CRB2: variants seen among roughly 807,000 people sequenced by gnomAD.
CRB2 encodes the protein crumbs cell polarity complex component 2, also known as protein crumbs homolog 2.
CRB2 carries 85 observed loss-of-function variants against 110.9 expected under a neutral mutation model. That is an observed-to-expected ratio of 0.77 (90% CI 0.64 to 0.92). The LOEUF is 0.92. CRB2 is among the 40% of genes least tolerant of loss of function. The pLI, the probability that CRB2 is intolerant of heterozygous loss-of-function variation, is 0.00. For missense variants in CRB2, 1,843 were observed against 1,851.3 expected (o/e 1.00, Z 0.08); for synonymous variants, 907 against 831.0 (o/e 1.09, Z -1.57).
rs369662953 is a variant in CRB2, at chr9:123,371,233, A to G, written c.2091A>G (p.Thr697=). The part of the protein sequence containing the change: ...QFANDSAAGL[T]VFLSEGRIRA... Reference sequence around the variant, plus strand: ...CCAATGACTCCGCAGCTGGCCTAACAGTATTCCTGAGTGAGGGTCGGATCC... The same window carrying G: ...CCAATGACTCCGCAGCTGGCCTAACGGTATTCCTGAGTGAGGGTCGGATCC... Residue 697 remains threonine (T), a synonymous_variant, in exon 8 of 13, where the codon ACA becomes ACG. Transcript: ENST00000373631. 1.2e-5 allele frequency: 20 copies of G among 1,613,840 alleles called. No individual in the cohort carries two copies. The highest frequency in any genetic ancestry group is 1.5e-5 in the Non-Finnish European group (18 of 1,180,040).
rs1179536880 is a variant in CRB2, at chr9:123,367,261, C to A, written c.844C>A (p.Pro282Thr). Residue 282 changes from proline (P) to threonine (T), a missense_variant, in exon 5 of 13, where the codon CCG becomes ACG. Coordinates refer to ENST00000373631, the MANE Select transcript of CRB2 (RefSeq NM_173689.7). ...HGGRCLQRSD[P>T]ALYGGVQAAF... ...GGGCCGATGCCTGCAGCGCTCTGAC[C>A]CGGCCCTCTACGGGGGTGTCCAGGC... 1 of 1,598,560 alleles carries A rather than the reference C, an allele frequency of 6.3e-7. No individual in the cohort carries two copies. Among genetic ancestry groups the A allele is most frequent in the African/African-American group, 1.3e-5 (1 of 74,520 alleles).
chr9:123,368,008 G>A (rs1033427468), intron 6 of CRB2, among the ~76,000 whole-genome samples: 1 of 152,028 alleles, frequency 6.6e-6, no homozygotes, highest in Admixed American at 6.5e-5. Context: ...AGAGAGTTAG[G>A]GGGCAGCATC....
Position 123,370,127 on chromosome 9 carries a change from T to C in CRB2, c.1074T>C (p.Asp358=). Residue 358 remains aspartate, a synonymous_variant, in exon 7 of 13, where the codon GAT becomes GAC. Coordinates refer to ENST00000373631, the MANE Select transcript of CRB2 (RefSeq NM_173689.7). ...DGYAGPTCEE[D]VDECLSDPCL... ...CCAAAGGGCCGACATGTGAGGAAGA[T>C]GTGGATGAATGCCTGTCGGATCCCT... is the stretch of plus-strand genomic sequence containing the variant. 1 of 1,592,514 alleles carries C rather than the reference T, an allele frequency of 6.3e-7. No homozygotes were observed. The highest frequency in any genetic ancestry group is 8.6e-7 in the Non-Finnish European group (1 of 1,167,264).
At chr9:123,366,486 AGTGT>A in intron 4 of CRB2, 120 bp downstream of exon 4, 2 of 1,250,820 alleles carry the variant, frequency 1.6e-6, no homozygotes, top group South Asian at 1.6e-5. Context: ...TCGGGACCAG[AGTGT>A]GTGTGTGATT....
intron 2 of CRB2, among the ~76,000 whole-genome samples, chr9:123,364,993 G>A (rs1193363659): frequency 6.6e-6 from 1 of 152,220 alleles, no homozygotes; most frequent in Non-Finnish European, 1.5e-5. Flanking sequence ...CAGGTGTGGT[G>A]GCTCACGCCT....
In CRB2 at chr9:123,370,247, T is replaced by C. The variant is rs2132772424; in HGVS notation, c.1194T>C (p.Thr398=). The C allele has an allele frequency of 6.8e-6, 11 of 1,613,346 alleles. No homozygotes were observed. Among genetic ancestry groups the C allele is most frequent in the Non-Finnish European group, 9.3e-6 (11 of 1,180,008 alleles). The change falls in exon 7 of 13, where the codon ACT becomes ACC. Residue 398 remains threonine, a synonymous_variant. Coordinates refer to ENST00000373631, the MANE Select transcript of CRB2 (RefSeq NM_173689.7). ...GGCGCGACTGTTCTGTGCAGCTCAC[T>C]GGCTGCCAGGGCCACACCTGCCCGC... is the stretch of plus-strand genomic sequence containing the variant. ...WGGRDCSVQL[T]GCQGHTCPLA...
At chr9:123,367,865 G>A (rs2041960624) in intron 6 of CRB2, among the ~76,000 whole-genome samples, 179 bp downstream of exon 6, 1 of 152,074 alleles carries the variant, frequency 6.6e-6, no homozygotes, top group South Asian at 2.1e-4. Flanking sequence ...GGTGAGACTG[G>A]GGCTCAGGAG....
rs151119405 is a variant in CRB2 at position 123,374,316 on chromosome 9, A to C, written c.3390-263A>C. On this transcript the variant is annotated intron_variant, in intron 10 of 12. Coordinates refer to ENST00000373631, the MANE Select transcript of CRB2 (RefSeq NM_173689.7). ...TGGCCTGACCCCTCCCTCTCCCCTC[A>C]AGGAATGTCCAGGCGTTGTGTTTAG... is the stretch of plus-strand genomic sequence containing the variant. Among the ~76,000 whole-genome samples the C allele has an allele frequency of 4.8e-3, 733 of 152,164 alleles. 9 individuals carry two copies. Among genetic ancestry groups the C allele is most frequent in the African/African-American group, 0.017 (698 of 41,506 alleles).
At chr9:123,359,436 GTTTTGTTTTTT>G (rs2041837302) in intron 1 of CRB2, among the ~76,000 whole-genome samples, 3 of 62,422 alleles carry the variant, frequency 4.8e-5, no homozygotes, top group Non-Finnish European at 9.5e-5. Context: ...TTTCGTTTTT[GTTTTGTTTTTT>G]TTTTTTTTTT....
intron 10 of CRB2, 72 bp from the exon 11 acceptor site, chr9:123,374,507 C>T: frequency 1.8e-6 from 2 of 1,104,222 alleles, no homozygotes; most frequent in South Asian, 2.7e-5. Flanking sequence ...CTCAGGTGGC[C>T]CACGGTCACA....
At chr9:123,374,968 C>T (rs537735414) in intron 11 of CRB2, among the ~76,000 whole-genome samples, 1 of 152,336 alleles carries the variant, frequency 6.6e-6, no homozygotes, top group South Asian at 2.1e-4. Context: ...GCCCTGCAGA[C>T]AGTGGCGTCA....
chr9:123,354,417 G>T (rs1187393690), upstream of CRB2, among the ~76,000 whole-genome samples: 1 of 152,260 alleles, frequency 6.6e-6, no homozygotes, highest in African/African-American at 2.4e-5. Context: ...GGATTGCCTG[G>T]GTCTCTGGGG....
At position 123,367,669 on chromosome 9, in the gene CRB2, G is replaced by A. The variant is rs1305317465; in HGVS notation, c.1037G>A (p.Cys346Tyr). 8.3e-6 allele frequency: 13 copies of A among 1,561,944 alleles called. No homozygotes were observed. In the South Asian group the frequency reaches 1.4e-4, roughly 17 times the overall value. The change falls in exon 6 of 13, where the codon TGC becomes TAC. Residue 346 changes from cysteine (C) to tyrosine (Y), a missense_variant. Cys to Tyr is a radical substitution (Grantham distance 194, BLOSUM62 -2). Coordinates refer to ENST00000373631, the MANE Select transcript of CRB2 (RefSeq NM_173689.7). ...QDLPNGFQCH[C>Y]PDGYAGPTCE... ...CTGCCCAATGGCTTCCAGTGTCACT[G>A]CCCAGATGGCTACGCAGGTGTCTGG... is the stretch of plus-strand genomic sequence containing the variant.
rs74709015 is a variant in CRB2 at position 123,366,965 on chromosome 9, A to G, written c.755-207A>G. Among the ~76,000 whole-genome samples, 24 of 142,812 alleles carry G rather than the reference A, an allele frequency of 1.7e-4. No homozygotes were observed. In the South Asian group the frequency reaches 4.9e-3, roughly 29 times the overall value. 93.7% of individuals were successfully genotyped at this position (142,812 alleles called of 152,430 possible). A position where few individuals can be genotyped will look rare whatever the true frequency, so the allele number is the denominator to read the frequency against. On this transcript the variant is annotated intron_variant, in intron 4 of 12. Coordinates refer to ENST00000373631, the MANE Select transcript of CRB2 (RefSeq NM_173689.7). ...ATCTCAAAAAAAAAAAAAAAAAATT[A>G]GTAGTAAGACTAGTAATAGCAGTAA... is the stretch of plus-strand genomic sequence containing the variant.
At chr9:123,376,718 G>C in intron 12 of CRB2, 120 bp from the exon 13 acceptor site, 2 of 980,940 alleles carry the variant, frequency 2.0e-6, no homozygotes, top group Non-Finnish European at 3.0e-6. Context: ...TCCCAGGGCA[G>C]CCTGCTCCCA....
intron 1 of CRB2, among the ~76,000 whole-genome samples, chr9:123,362,153 G>T (rs1213312983): frequency 1.6e-4 from 24 of 152,214 alleles, no homozygotes; most frequent in Non-Finnish European, 1.9e-4. Context: ...CTGGCAGGGG[G>T]TGGGTAGTGA....
Position 123,366,059 on chromosome 9 carries a change from G to A in CRB2, c.561G>A (p.Glu187=), listed in dbSNP as rs868440087. The A allele has an allele frequency of 1.9e-6, 3 of 1,577,282 alleles. No homozygotes were observed. Among genetic ancestry groups the A allele is most frequent in the Middle Eastern group, 3.4e-4 (2 of 5,880 alleles). ...CCCGTTGCCAGCTGGACCTCGACGA[G>A]TGCCAGAGCCAGCCGTGCGCACATG... The part of the protein sequence containing the change: ...GGTRCQLDLD[E]CQSQPCAHGG... The change falls in exon 3 of 13, where the codon GAG becomes GAA. Residue 187 remains glutamate, a synonymous_variant. Coordinates refer to ENST00000373631, the MANE Select transcript of CRB2 (RefSeq NM_173689.7).
Position 123,373,814 on chromosome 9 carries a change from G to T in CRB2, c.3283G>T (p.Val1095Phe). 1 of 1,584,102 alleles carries T rather than the reference G, an allele frequency of 6.3e-7. No homozygotes were observed. Among genetic ancestry groups the T allele is most frequent in the Admixed American group, 1.7e-5 (1 of 58,622 alleles). The part of the protein sequence containing the change: ...GWEGPRCEAH[V>F]DPCHSAPCAR... ...GGAAGGCCCGCGCTGCGAAGCCCAC[G>T]TCGACCCCTGTCACTCCGCCCCCTG... The change falls in exon 10 of 13, where the codon GTC (valine) becomes TTC (phenylalanine). Residue 1095 changes from valine (V) to phenylalanine (F), a missense_variant. Coordinates refer to ENST00000373631, the MANE Select transcript of CRB2 (RefSeq NM_173689.7).
rs560714633 is a variant in CRB2 at position 123,363,081 on chromosome 9, G to A, written c.311G>A (p.Arg104His). Residue 104 changes from arginine (R) to histidine (H), a missense_variant, in exon 2 of 13, where the codon CGC (arginine) becomes CAC (histidine). Transcript: ENST00000373631. ...TGCGTGCCGGGTTTCCAGGGCCCAC[G>A]CTGCGAGCTGGACATCGATGAGTGT... Reference protein sequence around the residue: ...CYCVPGFQGPRCELDIDECAS... With the variant: ...CYCVPGFQGPHCELDIDECAS... The A allele has an allele frequency of 2.7e-5, 43 of 1,611,510 alleles. No homozygotes were observed. The South Asian group carries it at 3.2e-4, about 12-fold the overall frequency.
Sources: gnomAD v4.1 joint callset for allele counts (sites outside exome capture counted in the v4.1 genomes callset) on GRCh38, gnomAD v4.1.1 for gene constraint, MANE v1.5 for transcripts, NCBI Gene and HGNC (gene_info 2026-07-23, HGNC 2026-07-21) for gene names.